CAST: variants seen among roughly 807,000 people sequenced by gnomAD.
The protein encoded by CAST is calpastatin, also known as MIR583 host.
CAST carries 76 observed loss-of-function variants against 119.6 expected under a neutral mutation model. The ratio of observed to expected loss-of-function variants is 0.64; its 90% CI spans 0.53 to 0.77. CAST has a LOEUF of 0.77. Among genes scored for constraint, CAST ranks in the 30% least tolerant of loss-of-function variants. CAST has a pLI of 0.00. For synonymous variants in CAST, 319 were observed against 331.6 expected, an observed-to-expected ratio of 0.96 and a Z score of 0.41; for missense variants, 953 against 946.5, an observed-to-expected ratio of 1.01 and a Z score of -0.09.
the CAST span, among the ~76,000 whole-genome samples, chr5:96,072,500 A>C: frequency 1.3e-5 from 2 of 152,208 alleles, no homozygotes; most frequent in African/African-American, 4.8e-5. Flanking sequence ...CCTTAAATCA[A>C]CTAAGATGTA....
the CAST span, among the ~76,000 whole-genome samples, chr5:96,505,715 T>C: frequency 1.3e-5 from 2 of 152,200 alleles, no homozygotes; most frequent in Non-Finnish European, 2.9e-5. Context: ...AAGGACCCAG[T>C]TGAGGCTGCT....
intron 8 of CAST, 87 bp downstream of exon 8, chr5:96,729,812 A>C (rs928943200): frequency 1.4e-6 from 1 of 715,442 alleles, no homozygotes; most frequent in Non-Finnish European, 2.6e-6. Flanking sequence ...TGTGTAGTTC[A>C]ATCTATGGGG....
the CAST span, among the ~76,000 whole-genome samples, chr5:96,420,502 TC>T: frequency 6.6e-6 from 1 of 152,314 alleles, no homozygotes; most frequent in South Asian, 2.1e-4. Flanking sequence ...ACCCCTTTAG[TC>T]ACCCTCAAAG....
At chr5:96,278,222 G>A in the CAST span, among the ~76,000 whole-genome samples, 1,193 of 152,234 alleles carry the variant, frequency 7.8e-3, 14 homozygotes, top group African/African-American at 0.028. Context: ...TCCCTCATCT[G>A]TGGGGGAGTG....
chr5:96,168,976 G>A, the CAST span, among the ~76,000 whole-genome samples: 3 of 152,176 alleles, frequency 2.0e-5, no homozygotes, highest in Non-Finnish European at 4.4e-5. Context: ...GCCACCACAC[G>A]CAGACATGAG....
chr5:95,991,511 T>G, the CAST span, among the ~76,000 whole-genome samples: 10 of 144,892 alleles, frequency 6.9e-5, no homozygotes, highest in East Asian at 4.0e-4. Context: ...TTTTTTTTTT[T>G]TTTTTTTTTT....
At chr5:96,521,840 C>T (rs972926174), upstream of CAST, among the ~76,000 whole-genome samples, 9 of 152,124 alleles carry the variant, frequency 5.9e-5, no homozygotes, top group Admixed American at 2.0e-4. Context: ...ATGACTAGGC[C>T]GGGTGCGGTG....
intron 1 of CAST, among the ~76,000 whole-genome samples, chr5:96,648,937 T>C (rs1008025373): frequency 1.3e-5 from 2 of 152,178 alleles, no homozygotes; most frequent in African/African-American, 2.4e-5. Context: ...CCTGGAATAC[T>C]GTCTGGCACA....
At chr5:96,613,397 AGATTT>A (rs1405555216) in intron 1 of CAST, among the ~76,000 whole-genome samples, 1 of 152,188 alleles carries the variant, frequency 6.6e-6, no homozygotes, top group Non-Finnish European at 1.5e-5. Flanking sequence ...ATCCTTTGTT[AGATTT>A]AATACTAGGT....
chr5:95,969,374 T>C, the CAST span, among the ~76,000 whole-genome samples: 1 of 152,298 alleles, frequency 6.6e-6, no homozygotes, highest in Non-Finnish European at 1.5e-5. Flanking sequence ...TAGGCAGTTA[T>C]TGGGAAGCCT....
the CAST span, among the ~76,000 whole-genome samples, chr5:96,376,437 A>ATT: frequency 2.8e-5 from 4 of 144,734 alleles, no homozygotes; most frequent in Admixed American, 6.9e-5. Flanking sequence ...AATTATTTCT[A>ATT]TTTTTTTTTT....
chr5:96,715,483 CCTT>C (rs777352414), intron 3 of CAST, among the ~76,000 whole-genome samples: 2 of 152,140 alleles, frequency 1.3e-5, no homozygotes, highest in Non-Finnish European at 2.9e-5. Flanking sequence ...AGGCTCTGCC[CCTT>C]CTTAACTGTG....
At chr5:96,174,550 A>G in the CAST span, among the ~76,000 whole-genome samples, 1 of 152,234 alleles carries the variant, frequency 6.6e-6, no homozygotes, top group Non-Finnish European at 1.5e-5. Context: ...ATGTGCAGAC[A>G]CAGATTACAA....
At chr5:96,328,429 C>T in the CAST span, among the ~76,000 whole-genome samples, 1 of 135,740 alleles carries the variant, frequency 7.4e-6, no homozygotes, top group Admixed American at 7.6e-5. Context: ...CTCTCTCTCT[C>T]TCCTTGTGAC....
At chr5:96,228,015 G>T in the CAST span, among the ~76,000 whole-genome samples, 4 of 152,120 alleles carry the variant, frequency 2.6e-5, no homozygotes, top group African/African-American at 9.7e-5. Context: ...GTGTGTGTGT[G>T]TGTGTGTGTG....
At chr5:95,990,474 T>C in the CAST span, among the ~76,000 whole-genome samples, 5 of 152,004 alleles carry the variant, frequency 3.3e-5, no homozygotes, top group Non-Finnish European at 1.5e-5. Context: ...CTTACTGTTT[T>C]CTTGGCTTAC....
At chr5:96,716,322 G>A (rs1002185689) in intron 3 of CAST, among the ~76,000 whole-genome samples, 10 of 152,136 alleles carry the variant, frequency 6.6e-5, no homozygotes, top group African/African-American at 2.4e-4. Flanking sequence ...CAGTCATAAC[G>A]TAAATGACCT....
chr5:96,198,355 C>A, the CAST span, among the ~76,000 whole-genome samples: 2 of 152,088 alleles, frequency 1.3e-5, no homozygotes, highest in African/African-American at 4.8e-5. Context: ...TTTGCCCCTC[C>A]CTTTGTCAGT....
chr5:96,439,960 GAA>G, the CAST span, among the ~76,000 whole-genome samples: 6 of 152,120 alleles, frequency 3.9e-5, no homozygotes, highest in Non-Finnish European at 7.4e-5. Context: ...AACTGAAAGA[GAA>G]AACAAAGGTA....
Sources: gnomAD v4.1 joint callset for allele counts (sites outside exome capture counted in the v4.1 genomes callset) on GRCh38, gnomAD v4.1.1 for gene constraint, MANE v1.5 for transcripts, NCBI Gene and HGNC (gene_info 2026-07-23, HGNC 2026-07-21) for gene names.